The following ITFG1 variants were observed in gnomAD, a reference collection of about 807,000 sequenced individuals.
The protein encoded by ITFG1 is integrin alpha FG-GAP repeat containing 1.
Under a neutral mutation model 81.8 loss-of-function variants are expected in ITFG1, and 34 were observed. That is an observed-to-expected ratio of 0.42 (90% confidence interval 0.32 to 0.55). The LOEUF (loss-of-function observed/expected upper bound fraction) is 0.55, where lower values mean the gene tolerates loss of function less well. Among genes scored for constraint, ITFG1 ranks in the 20% least tolerant of loss-of-function variants. The pLI is 0.17. For missense variants in ITFG1, 672 were observed against 755.4 expected (o/e 0.89, Z 1.29); for synonymous variants, 285 against 270.6 (o/e 1.05, Z -0.52).
intron 7 of ITFG1, among the ~76,000 whole-genome samples, chr16:47,371,517 C>G (rs1231113827): frequency 2.6e-5 from 4 of 152,152 alleles, no homozygotes; most frequent in African/African-American, 4.8e-5. Context: ...CATGTGGTAG[C>G]AAGTAGCCTT....
At chr16:47,285,356 G>A (rs1448755989) in intron 10 of ITFG1, among the ~76,000 whole-genome samples, 4 of 152,162 alleles carry the variant, frequency 2.6e-5, no homozygotes, top group Admixed American at 1.3e-4. Flanking sequence ...CCCCTGCCCC[G>A]TACCTCACCC....
chr16:47,165,572 A>G (rs2151508083), intron 14 of ITFG1, among the ~76,000 whole-genome samples: 1 of 152,346 alleles, frequency 6.6e-6, no homozygotes, highest in African/African-American at 2.4e-5. Flanking sequence ...AATTAAAAGC[A>G]GGCCATTTAT....
intron 6 of ITFG1, among the ~76,000 whole-genome samples, chr16:47,424,170 C>T (rs1968988710): frequency 6.6e-6 from 1 of 152,168 alleles, no homozygotes; most frequent in South Asian, 2.1e-4. Flanking sequence ...CACTTTATTT[C>T]ATTAATTTGA....
chr16:47,395,527 A>G (rs1272208810), intron 6 of ITFG1, among the ~76,000 whole-genome samples: 1 of 152,244 alleles, frequency 6.6e-6, no homozygotes, highest in African/African-American at 2.4e-5. Flanking sequence ...ACCCATGAAA[A>G]AAGTAACTAG....
intron 6 of ITFG1, among the ~76,000 whole-genome samples, chr16:47,376,565 A>T (rs1968327316): frequency 6.6e-6 from 1 of 152,230 alleles, no homozygotes. Context: ...ACTGCAAACA[A>T]ATCTATTCTA....
chr16:47,163,576 G>T (rs544205718), intron 14 of ITFG1, among the ~76,000 whole-genome samples: 1 of 151,862 alleles, frequency 6.6e-6, no homozygotes, highest in African/African-American at 2.4e-5. Context: ...TCCATTTTTG[G>T]TTACTATGAA....
chr16:47,226,463 C>G (rs1965758738), intron 13 of ITFG1, among the ~76,000 whole-genome samples: 1 of 152,192 alleles, frequency 6.6e-6, no homozygotes, highest in East Asian at 1.9e-4. Flanking sequence ...CGTTGGTGTG[C>G]TGCACCCATT....
intron 6 of ITFG1, among the ~76,000 whole-genome samples, chr16:47,409,499 T>C: frequency 7.6e-6 from 1 of 131,072 alleles, no homozygotes; most frequent in Non-Finnish European, 1.6e-5. Flanking sequence ...CACTGCAACC[T>C]CCACCTCCTG....
intron 13 of ITFG1, among the ~76,000 whole-genome samples, chr16:47,224,342 T>G (rs1448979612): frequency 1.3e-5 from 2 of 152,162 alleles, no homozygotes; most frequent in Admixed American, 1.3e-4. Context: ...GGAAATGAGA[T>G]ATTCACAGGG....
chr16:47,418,338 C>T (rs1968898939), intron 6 of ITFG1, among the ~76,000 whole-genome samples: 1 of 152,150 alleles, frequency 6.6e-6, no homozygotes, highest in Admixed American at 6.6e-5. Context: ...GCCTCTTACT[C>T]CGCTGACTGT....
intron 8 of ITFG1, among the ~76,000 whole-genome samples, chr16:47,340,204 C>T (rs2151577165): frequency 6.6e-6 from 1 of 151,436 alleles, no homozygotes; most frequent in African/African-American, 2.4e-5. Flanking sequence ...ATGAGAAATG[C>T]TAAAAAGCCA....
chr16:47,322,830 ATATTGT>A (rs1266334861), intron 8 of ITFG1, among the ~76,000 whole-genome samples: 1 of 152,214 alleles, frequency 6.6e-6, no homozygotes, highest in African/African-American at 2.4e-5. Context: ...TTCCAAGTAT[ATATTGT>A]TATTAACTAT....
chr16:47,441,297 G>C (rs1048097536), intron 5 of ITFG1, among the ~76,000 whole-genome samples: 1 of 152,118 alleles, frequency 6.6e-6, no homozygotes, highest in African/African-American at 2.4e-5. Flanking sequence ...CCAATCAATA[G>C]AAAAAGAGGG....
intron 14 of ITFG1, among the ~76,000 whole-genome samples, chr16:47,209,307 T>C (rs1965537115): frequency 6.6e-6 from 1 of 152,188 alleles, no homozygotes; most frequent in Non-Finnish European, 1.5e-5. Flanking sequence ...TCAGAACTAC[T>C]GATCATTATA....
chr16:47,219,736 A>G (rs757136621), intron 13 of ITFG1, among the ~76,000 whole-genome samples: 6 of 152,342 alleles, frequency 3.9e-5, no homozygotes, highest in Middle Eastern at 3.4e-3. Flanking sequence ...TGCTTTAAAA[A>G]TGATTTTTCT....
chr16:47,460,697 A>T, intron 1 of ITFG1, 141 bp downstream of exon 1: 2 of 894,734 alleles, frequency 2.2e-6, no homozygotes, highest in Non-Finnish European at 3.5e-6. Flanking sequence ...ACAAGCTGTT[A>T]AGAATGCTAA....
chr16:47,258,865 T>C, intron 11 of ITFG1, 125 bp from the exon 12 acceptor site: 1 of 490,458 alleles, frequency 2.0e-6, no homozygotes, highest in South Asian at 3.9e-5. Context: ...ATCCTCATGT[T>C]TAAAATAAAA....
chr16:47,376,085 C>A, intron 6 of ITFG1, 145 bp from the exon 7 acceptor site: 1 of 519,444 alleles, frequency 1.9e-6, no homozygotes, highest in Non-Finnish European at 3.4e-6. Flanking sequence ...AAGTTTCATC[C>A]CATTAAAAAA....
chr16:47,413,434 C>T lies in ITFG1; in HGVS notation c.655+15370G>A, dbSNP rs561337377. ...TTAAGGCCAGGTCAAATGGATCACA[C>T]CTGTAATCCTAGCACTTTGGGAGGC... On this transcript the variant is annotated intron_variant, in intron 6 of 17. Coordinates refer to ENST00000320640, the MANE Select transcript of ITFG1 (RefSeq NM_030790.5). Among the ~76,000 whole-genome samples, 4 of 152,338 alleles carry T rather than the reference C, an allele frequency of 2.6e-5. No individual in the cohort carries two copies. The South Asian group carries it at 8.3e-4, about 32-fold the overall frequency.
Sources: gnomAD v4.1 joint callset for allele counts (sites outside exome capture counted in the v4.1 genomes callset) on GRCh38, gnomAD v4.1.1 for gene constraint, MANE v1.5 for transcripts, NCBI Gene and HGNC (gene_info 2026-07-23, HGNC 2026-07-21) for gene names.